The following PARVA variants were observed in gnomAD, a reference collection of about 807,000 sequenced individuals.
The protein encoded by PARVA is parvin alpha, also known as alpha-parvin.
PARVA carries 25 observed loss-of-function variants against 52.6 expected under a neutral mutation model. The ratio of observed to expected loss-of-function variants is 0.48; its 90% confidence interval spans 0.35 to 0.66. PARVA has a LOEUF of 0.66. Ranked by LOEUF, PARVA falls within the 30% of genes least tolerant of loss-of-function variation. PARVA has a pLI of 0.01. For synonymous variants in PARVA, 185 were observed against 179.1 expected, an observed-to-expected ratio of 1.03 and a Z score of -0.26; for missense variants, 373 against 450.9, an observed-to-expected ratio of 0.83 and a Z score of 1.56.
intron 4 of PARVA, among the ~76,000 whole-genome samples, chr11:12,484,157 CTGAG>C (rs1208019175): frequency 6.6e-6 from 1 of 152,206 alleles, no homozygotes; most frequent in Non-Finnish European, 1.5e-5. Flanking sequence ...GTAGGCATGA[CTGAG>C]TGAGAGATGG....
intron 1 of PARVA, among the ~76,000 whole-genome samples, chr11:12,393,532 C>T (rs954757877): frequency 3.3e-5 from 5 of 152,136 alleles, no homozygotes. Context: ...GGATCCAGGC[C>T]CCTTTCATCT....
At chr11:12,406,536 A>G (rs1939909989) in intron 1 of PARVA, among the ~76,000 whole-genome samples, 1 of 151,908 alleles carries the variant, frequency 6.6e-6, no homozygotes, top group Non-Finnish European at 1.5e-5. Flanking sequence ...TGTCATGAAC[A>G]TTTTCCCGTA....
At chr11:12,447,377 G>A (rs539904620) in intron 1 of PARVA, among the ~76,000 whole-genome samples, 2 of 152,314 alleles carry the variant, frequency 1.3e-5, no homozygotes, top group East Asian at 1.9e-4. Context: ...CAGGGCTGGT[G>A]TGTAACTCAC....
chr11:12,389,126 C>T lies in PARVA; in HGVS notation c.136+11343C>T, dbSNP rs115776851. 2.4e-3 allele frequency among the ~76,000 whole-genome samples: 360 copies of T among 152,270 alleles called. 1 individual carries two copies. The highest frequency in any genetic ancestry group is 8.3e-3 in the African/African-American group (345 of 41,534). On this transcript the variant is annotated intron_variant, in intron 1 of 12. Transcript: ENST00000334956. ...AAAGTTTCTATTTGCTCTGGGCTGG[C>T]AGGACCAGATTACCTAAGGGGTAGG...
At chr11:12,450,579 A>T (rs576503565) in intron 1 of PARVA, among the ~76,000 whole-genome samples, 2 of 152,330 alleles carry the variant, frequency 1.3e-5, no homozygotes, top group East Asian at 3.9e-4. Context: ...CATACATGAA[A>T]GGGAGTTTAT....
intron 4 of PARVA, among the ~76,000 whole-genome samples, chr11:12,485,811 G>T (rs1941152004): frequency 6.6e-6 from 1 of 152,158 alleles, no homozygotes; most frequent in African/African-American, 2.4e-5. Context: ...GGTAGGGGGA[G>T]GGTGTAATGA....
chr11:12,441,648 G>A (rs891724741), intron 1 of PARVA, among the ~76,000 whole-genome samples: 9 of 152,056 alleles, frequency 5.9e-5, no homozygotes, highest in African/African-American at 1.7e-4. Context: ...AAATTAAAAC[G>A]CAAGACATAA....
At chr11:12,387,495 G>C (rs1939589111) in intron 1 of PARVA, among the ~76,000 whole-genome samples, 1 of 152,044 alleles carries the variant, frequency 6.6e-6, no homozygotes, top group African/African-American at 2.4e-5. Context: ...CCCAAACTCT[G>C]CTTTAACCTT....
chr11:12,505,106 C>T (rs567895403), intron 6 of PARVA, among the ~76,000 whole-genome samples: 3 of 152,332 alleles, frequency 2.0e-5, no homozygotes, highest in South Asian at 4.1e-4. Flanking sequence ...GTGACTATCT[C>T]ACTCCGCTCC....
intron 1 of PARVA, among the ~76,000 whole-genome samples, chr11:12,409,848 A>G (rs1217466166): frequency 6.6e-6 from 1 of 152,232 alleles, no homozygotes; most frequent in Admixed American, 6.5e-5. Context: ...TTTGCACCAA[A>G]CATTGTCAAC....
intron 1 of PARVA, among the ~76,000 whole-genome samples, chr11:12,448,727 C>T (rs1225956409): frequency 6.6e-6 from 1 of 152,202 alleles, no homozygotes; most frequent in East Asian, 1.9e-4. Flanking sequence ...CAGCTGGTCC[C>T]TGTCATGGGG....
At chr11:12,515,040 C>T (rs1200515146) in intron 10 of PARVA, among the ~76,000 whole-genome samples, 4 of 152,216 alleles carry the variant, frequency 2.6e-5, no homozygotes, top group Admixed American at 1.3e-4. Context: ...ATTAACAGCA[C>T]GTCCCAAGTA....
intron 1 of PARVA, among the ~76,000 whole-genome samples, chr11:12,421,521 G>A (rs1293384629): frequency 2.6e-5 from 4 of 151,898 alleles, no homozygotes; most frequent in Non-Finnish European, 5.9e-5. Context: ...GTACAGTTTT[G>A]CTGAAGTGGA....
intron 10 of PARVA, among the ~76,000 whole-genome samples, chr11:12,516,438 G>A (rs991608799): frequency 1.8e-4 from 27 of 151,268 alleles, no homozygotes; most frequent in Non-Finnish European, 3.7e-4. Flanking sequence ...CATCATCCCC[G>A]GCCTCCACAA....
intron 4 of PARVA, among the ~76,000 whole-genome samples, chr11:12,486,004 C>T (rs555261823): frequency 1.3e-5 from 2 of 152,252 alleles, no homozygotes; most frequent in South Asian, 4.1e-4. Context: ...AAGTGGTATC[C>T]TAGACCGTTT....
intron 1 of PARVA, among the ~76,000 whole-genome samples, chr11:12,453,526 A>C (rs1940652650): frequency 6.6e-6 from 1 of 152,132 alleles, no homozygotes; most frequent in Non-Finnish European, 1.5e-5. Context: ...CAAGTATCTT[A>C]CTGTAAGAGC....
At chr11:12,511,444 T>A (rs1054562604) in intron 7 of PARVA, 70 bp from the exon 8 acceptor site, 6 of 1,540,340 alleles carry the variant, frequency 3.9e-6, no homozygotes, top group South Asian at 1.2e-5. Context: ...TGGAGTGTCC[T>A]TTCAGAGGAC....
chr11:12,434,443 G>T (rs1030868099), intron 1 of PARVA, among the ~76,000 whole-genome samples: 1 of 152,116 alleles, frequency 6.6e-6, no homozygotes, highest in East Asian at 1.9e-4. Context: ...TCTCTTTCCC[G>T]GGTGAGTTTA....
At chr11:12,416,608 A>G (rs1423297213) in intron 1 of PARVA, among the ~76,000 whole-genome samples, 2 of 152,134 alleles carry the variant, frequency 1.3e-5, no homozygotes, top group African/African-American at 4.8e-5. Flanking sequence ...CTGCTGCTTC[A>G]GGAAGGAAGG....
Sources: gnomAD v4.1 joint callset for allele counts (sites outside exome capture counted in the v4.1 genomes callset) on GRCh38, gnomAD v4.1.1 for gene constraint, MANE v1.5 for transcripts, NCBI Gene and HGNC (gene_info 2026-07-23, HGNC 2026-07-21) for gene names.